Variants in PYGB observed in about 807,000 individuals in gnomAD.
PYGB encodes the protein glycogen phosphorylase B.
A neutral mutation model predicts 94.3 loss-of-function variants in PYGB; 82 were observed. The ratio of observed to expected loss-of-function variants is 0.87; its 90% confidence interval spans 0.73 to 1.04. The LOEUF (loss-of-function observed/expected upper bound fraction) is 1.04. PYGB is among the 50% of genes least tolerant of loss of function. PYGB has a pLI of 0.00. For missense variants in PYGB, 1,132 were observed against 1,158.2 expected, an observed-to-expected ratio of 0.98 and a Z score of 0.33; for synonymous variants, 488 against 479.1, an observed-to-expected ratio of 1.02 and a Z score of -0.24.
chr20:25,267,668 C>G (rs542993211), intron 2 of PYGB, among the ~76,000 whole-genome samples: 1 of 152,240 alleles, frequency 6.6e-6, no homozygotes, highest in South Asian at 2.1e-4. Context: ...GTAGCTGGGA[C>G]TGTAGGCGTG....
intron 4 of PYGB, among the ~76,000 whole-genome samples, chr20:25,273,475 TA>T (rs1249622908): frequency 1.3e-4 from 20 of 152,226 alleles, no homozygotes; most frequent in Non-Finnish European, 2.8e-4. Flanking sequence ...TGTAGCATAC[TA>T]GGGCTGCCTG....
At chr20:25,272,561 C>T (rs185828878) in intron 4 of PYGB, among the ~76,000 whole-genome samples, 1 of 152,374 alleles carries the variant, frequency 6.6e-6, no homozygotes, top group African/African-American at 2.4e-5. Flanking sequence ...CCATTTACAG[C>T]ACCTAGGTGT....
At chr20:25,294,837 G>T in intron 18 of PYGB, 2 of 895,704 alleles carry the variant, frequency 2.2e-6, no homozygotes, top group South Asian at 1.3e-5. Flanking sequence ...TGCAGCTCAG[G>T]GCAGTTCTTC....
At position 25,294,226 on chromosome 20, in the gene PYGB, G is replaced by C; in HGVS notation, c.2246G>C (p.Gly749Ala). ...LKQAVDQISS[G>A]FFSPKEPDCF... ...CAGGCCGTGGACCAGATCAGCAGTG[G>C]CTTTTTTTCTCCCAAGGAGCCAGAC... The change falls in exon 18 of 20, where the codon GGC (glycine) becomes GCC (alanine). Residue 749 changes from glycine to alanine, a missense_variant. Transcript: ENST00000216962. The C allele has an allele frequency of 6.3e-7, 1 of 1,585,458 alleles. No homozygotes were observed. The highest frequency in any genetic ancestry group is 8.6e-7 in the Non-Finnish European group (1 of 1,161,708).
intron 2 of PYGB, among the ~76,000 whole-genome samples, chr20:25,266,914 G>C (rs2088223180): frequency 6.6e-6 from 1 of 152,190 alleles, no homozygotes; most frequent in African/African-American, 2.4e-5. Flanking sequence ...CAGTCACTTT[G>C]GAAAATAGTC....
At chr20:25,270,989 G>A (rs1280061855) in intron 3 of PYGB, among the ~76,000 whole-genome samples, 2 of 152,170 alleles carry the variant, frequency 1.3e-5, no homozygotes, top group South Asian at 4.1e-4. Context: ...AGTAGGGTGA[G>A]GCTTGATGTG....
intron 16 of PYGB, among the ~76,000 whole-genome samples, chr20:25,291,532 G>A (rs1398438341): frequency 6.6e-6 from 1 of 152,298 alleles, no homozygotes; most frequent in Non-Finnish European, 1.5e-5. Context: ...TGTCCATGTC[G>A]CTCCCCCTCT....
rs748127631 is a variant in PYGB, at chr20:25,292,441, A to G, written c.2005A>G (p.Thr669Ala). Residue 669 changes from threonine (T) to alanine (A), a missense_variant, in exon 17 of 20, where the codon ACT (threonine) becomes GCT (alanine). Transcript: ENST00000216962. ...PAADLSQQIS[T>A]AGTEASGTGN... The stretch of plus-strand genomic sequence containing the variant: ...CGCTGATCTGTCGCAGCAGATCTCC[A>G]CTGCAGGCACCGAGGCCTCAGGCAC... 1.2e-6 allele frequency: 2 copies of G among 1,613,438 alleles called. No individual in the cohort carries two copies. Among genetic ancestry groups the G allele is most frequent in the South Asian group, 1.1e-5 (1 of 91,086 alleles).
intron 7 of PYGB, among the ~76,000 whole-genome samples, chr20:25,277,878 T>C (rs2088327835): frequency 6.6e-6 from 1 of 152,276 alleles, no homozygotes; most frequent in Non-Finnish European, 1.5e-5. Flanking sequence ...TGACAAGTCC[T>C]TAGAAGATGC....
At chr20:25,263,806 A>G (rs977092315) in intron 2 of PYGB, among the ~76,000 whole-genome samples, 3 of 152,228 alleles carry the variant, frequency 2.0e-5, no homozygotes, top group African/African-American at 7.2e-5. Flanking sequence ...AGCAACCAAA[A>G]AAAGTCCAGG....
chr20:25,288,251 G>T, intron 14 of PYGB, 174 bp from the exon 15 acceptor site: 1 of 752,948 alleles, frequency 1.3e-6, no homozygotes, highest in East Asian at 2.6e-5. Flanking sequence ...CTGGTGGGTG[G>T]GCAGGTGGGT....
At chr20:25,271,337 G>A (rs201930025) in intron 3 of PYGB, 46 bp from the exon 4 acceptor site, 1 of 1,581,184 alleles carries the variant, frequency 6.3e-7, no homozygotes, top group Non-Finnish European at 8.7e-7. Flanking sequence ...ATGGGACCTT[G>A]GTGCCGTGCC....
rs1489313103 is a variant in PYGB at position 25,248,089 on chromosome 20, C to G, written c.-90C>G. On this transcript the variant is annotated 5_prime_UTR_variant, in exon 1 of 20. Coordinates refer to ENST00000216962, the MANE Select transcript of PYGB (RefSeq NM_002862.4). The stretch of plus-strand genomic sequence containing the variant: ...AGAGCCGCAGTGCCGGGCGCCAGAG[C>G]AGCGGCGCCAGAGCAGCTGCACCAT... 31 of 1,347,502 alleles carry G rather than the reference C, an allele frequency of 2.3e-5. No individual in the cohort carries two copies. The highest frequency in any genetic ancestry group is 2.8e-5 in the Non-Finnish European group (29 of 1,046,434). 83.5% of individuals were successfully genotyped at this position (1,347,502 alleles called of 1,614,324 possible). A position where few individuals can be genotyped will look rare whatever the true frequency, so the allele number is the denominator to read the frequency against.
At chr20:25,292,817 C>T (rs1045310105) in intron 17 of PYGB, among the ~76,000 whole-genome samples, 1 of 152,090 alleles carries the variant, frequency 6.6e-6, no homozygotes, top group Non-Finnish European at 1.5e-5. Context: ...GGGCGAGGCC[C>T]ACGTGGGGGT....
chr20:25,276,391 G>A (rs75468569), intron 5 of PYGB, among the ~76,000 whole-genome samples: 6,113 of 152,210 alleles, frequency 0.04, 274 homozygotes, highest in Admixed American at 0.13. Context: ...GGTCAAGTGA[G>A]AAGATAGGTC....
At position 25,296,834 on chromosome 20, in the gene PYGB, A is replaced by C. The variant is rs1342378785; in HGVS notation, c.*312A>C. 8.2e-6 allele frequency: 3 copies of C among 367,006 alleles called. No individual in the cohort carries two copies. Among genetic ancestry groups the C allele is most frequent in the Admixed American group, 8.9e-5 (2 of 22,550 alleles). The allele number at this position is 367,006 out of a possible 1,614,324, so 22.7% of individuals were successfully genotyped here. ...GGAGCCACCTGCTGGGCTCCCCCAG[A>C]ACTTTGCACACATCTTGCTATGTAT... On this transcript the variant is annotated 3_prime_UTR_variant, in exon 20 of 20. Transcript: ENST00000216962.
intron 18 of PYGB, chr20:25,294,965 G>A (rs539327867): frequency 9.9e-6 from 16 of 1,614,122 alleles, no homozygotes; most frequent in Non-Finnish European, 1.3e-5. Flanking sequence ...GTCACCTGTT[G>A]GCTTCAGTCA....
chr20:25,276,737 A>G lies in PYGB; in HGVS notation c.752A>G (p.Asn251Ser), dbSNP rs1451766565. ...CGGCTGTGGTCCGCCAAGGCTCCCA[A>G]CGACTTCAAGCTGCAGGACTGTACG... ...TMRLWSAKAP[N>S]DFKLQDFNVG... Residue 251 changes from asparagine to serine, a missense_variant, in exon 6 of 20, where the codon AAC (asparagine) becomes AGC (serine). Physicochemically the swap from Asn to Ser is conservative, Grantham distance 46 (BLOSUM62 1). Coordinates refer to ENST00000216962, the MANE Select transcript of PYGB (RefSeq NM_002862.4). The G allele has an allele frequency of 1.1e-5, 17 of 1,613,828 alleles. No homozygotes were observed. The highest frequency in any genetic ancestry group is 4.5e-5 in the East Asian group (2 of 44,898).
At chr20:25,294,321 T>A (rs758133639) in intron 18 of PYGB, 29 bp downstream of exon 18, 1 of 358,074 alleles carries the variant, frequency 2.8e-6, no homozygotes, top group South Asian at 2.0e-5. Context: ...GTTGGGTGGC[T>A]GGGAGGGAGG....
Sources: allele counts gnomAD v4.1 joint callset (sites outside exome capture counted in the v4.1 genomes callset), GRCh38; gene constraint gnomAD v4.1.1; transcripts MANE v1.5; gene names NCBI Gene and HGNC (gene_info 2026-07-23, HGNC 2026-07-21).